Variants in GAN observed in about 807,000 individuals in gnomAD.
GAN encodes the protein gigaxonin.
Under a neutral mutation model 71.3 loss-of-function variants are expected in GAN, and 48 were observed. That is an observed-to-expected ratio of 0.67 (90% CI 0.53 to 0.86). The LOEUF is 0.86. Ranked by LOEUF, GAN falls within the 40% of genes least tolerant of loss-of-function variation. GAN has a pLI of 0.00. For synonymous variants in GAN, 386 were observed against 276.8 expected (o/e 1.39, Z -3.92); for missense variants, 928 against 770.1 (o/e 1.21, Z -2.43).
At chr16:81,361,077 G>C (rs560005410) in intron 5 of GAN, among the ~76,000 whole-genome samples, 11 of 152,214 alleles carry the variant, frequency 7.2e-5, no homozygotes, top group African/African-American at 2.6e-4. Context: ...ACAAAAAGTA[G>C]CTGGGTATGT....
In GAN at chr16:81,356,854, A is replaced by T. The variant is rs753290767; in HGVS notation, c.703A>T (p.Met235Leu). 6.2e-7 allele frequency: 1 copy of T among 1,613,836 alleles called. No individual in the cohort carries two copies. Among genetic ancestry groups the T allele is most frequent in the Non-Finnish European group, 8.5e-7 (1 of 1,179,704 alleles). The change falls in exon 4 of 11, where the codon ATG becomes TTG. Residue 235 changes from methionine (M) to leucine (L), a missense_variant. Met to Leu is a conservative substitution (Grantham distance 15, BLOSUM62 2). Coordinates refer to ENST00000648994, the MANE Select transcript of GAN (RefSeq NM_022041.4). Reference protein sequence around the residue: ...GLDSSYLREQMLNEPLVREIV... With the variant: ...GLDSSYLREQLLNEPLVREIV... ...GGACTCCAGTTATTTACGGGAACAG[A>T]TGCTGAATGAACCATTAGTACGAGA...
At chr16:81,357,346 A>T (rs541621169) in intron 4 of GAN, among the ~76,000 whole-genome samples, 11 of 152,256 alleles carry the variant, frequency 7.2e-5, no homozygotes, top group African/African-American at 2.6e-4. Context: ...TATGAGTGAG[A>T]ATATGCGGTG....
chr16:81,357,687 C>T (rs1034078851), intron 4 of GAN, 123 bp from the exon 5 acceptor site: 2 of 937,472 alleles, frequency 2.1e-6, no homozygotes, highest in African/African-American at 1.6e-5. Context: ...GTCACACTGA[C>T]TTCCACAAGG....
chr16:81,315,360 C>G (rs1908997333), intron 1 of GAN, 80 bp downstream of exon 1: 2 of 1,060,050 alleles, frequency 1.9e-6, no homozygotes, highest in Non-Finnish European at 2.5e-6. Flanking sequence ...GGCGTGGCCC[C>G]CAGACCCTGT....
In GAN at chr16:81,382,961, CT is replaced by C. The variant is rs1437708429; in HGVS notation, c.*5371del. The stretch of plus-strand genomic sequence containing the variant: ...TGTATACAGTTTAGGAAAGTTTATT[CT>C]TTTTTATTTTATTTTATTTTTTTAA... On this transcript the variant is annotated 3_prime_UTR_variant, in exon 11 of 11. Coordinates refer to ENST00000648994, the MANE Select transcript of GAN (RefSeq NM_022041.4). 1 of 151,946 alleles carries C rather than the reference CT, an allele frequency of 6.6e-6. No homozygotes were observed. The highest frequency in any genetic ancestry group is 2.4e-5 in the African/African-American group (1 of 41,394). 9.4% of individuals were successfully genotyped at this position (151,946 alleles called of 1,614,324 possible). A position where few individuals can be genotyped will look rare whatever the true frequency, so the allele number is the denominator to read the frequency against.
rs1904335999 is a variant in GAN at position 81,384,174 on chromosome 16, T to G, written c.*6578T>G. The G allele has an allele frequency of 6.6e-6, 1 of 152,094 alleles. No homozygotes were observed. Among genetic ancestry groups the G allele is most frequent in the Admixed American group, 6.5e-5 (1 of 15,272 alleles). The allele number at this position is 152,094 out of a possible 1,614,324, so 9.4% of individuals were successfully genotyped here. A position where few individuals can be genotyped will look rare whatever the true frequency, so the allele number is the denominator to read the frequency against. Reference sequence around the variant, plus strand: ...TCTCAGCTACCTCATTATGTAGTATTGTGCTTGATCCCCTGCCAATTGAGA... The same window carrying G: ...TCTCAGCTACCTCATTATGTAGTATGGTGCTTGATCCCCTGCCAATTGAGA... On this transcript the variant is annotated 3_prime_UTR_variant, in exon 11 of 11. Coordinates refer to ENST00000648994, the MANE Select transcript of GAN (RefSeq NM_022041.4).
chr16:81,353,196 C>T (rs928971432), intron 2 of GAN, among the ~76,000 whole-genome samples: 17 of 150,192 alleles, frequency 1.1e-4, no homozygotes, highest in African/African-American at 3.2e-4. Context: ...GAGGCTGAGG[C>T]AGGAGAATGG....
At chr16:81,361,640 T>G (rs1567494431) in intron 5 of GAN, among the ~76,000 whole-genome samples, 1 of 152,238 alleles carries the variant, frequency 6.6e-6, no homozygotes, top group Non-Finnish European at 1.5e-5. Flanking sequence ...AGGTCCTAAT[T>G]TTCCCTTCAG....
At chr16:81,338,685 A>G (rs963885996) in intron 1 of GAN, among the ~76,000 whole-genome samples, 12 of 152,242 alleles carry the variant, frequency 7.9e-5, no homozygotes, top group African/African-American at 2.9e-4. Context: ...ATAAGGGAGA[A>G]TAAGACAAGT....
At chr16:81,339,416 G>A (rs1909870421) in intron 1 of GAN, among the ~76,000 whole-genome samples, 1 of 152,164 alleles carries the variant, frequency 6.6e-6, no homozygotes, top group South Asian at 2.1e-4. Flanking sequence ...ATATGTGAGA[G>A]CACTTCACAT....
chr16:81,372,972 C>T (rs1911082912), intron 9 of GAN, among the ~76,000 whole-genome samples: 1 of 152,194 alleles, frequency 6.6e-6, no homozygotes, highest in Non-Finnish European at 1.5e-5. Context: ...CACCCATCAA[C>T]ATTCAGATGT....
intron 1 of GAN, among the ~76,000 whole-genome samples, chr16:81,337,027 G>A (rs77209236): frequency 0.021 from 3,205 of 152,026 alleles, 58 homozygotes; most frequent in East Asian, 0.081. Context: ...GTCATGACAT[G>A]GATCCACTAT....
chr16:81,319,426 T>G (rs765146699), intron 1 of GAN, among the ~76,000 whole-genome samples: 4 of 152,024 alleles, frequency 2.6e-5, no homozygotes, highest in Non-Finnish European at 4.4e-5. Context: ...ATTGATCTGA[T>G]GCAAAGTTCA....
intron 1 of GAN, among the ~76,000 whole-genome samples, chr16:81,323,002 C>A (rs989985065): frequency 6.6e-6 from 1 of 152,188 alleles, no homozygotes; most frequent in Non-Finnish European, 1.5e-5. Flanking sequence ...CCCTGATATT[C>A]GTGTTTGCCA....
rs1195327092 is a variant in GAN, at chr16:81,384,600, A to G, written c.*7004A>G. 3.9e-5 allele frequency: 6 copies of G among 152,064 alleles called. No homozygotes were observed. The highest frequency in any genetic ancestry group is 2.0e-4 in the Admixed American group (3 of 15,266). 9.4% of individuals were successfully genotyped at this position (152,064 alleles called of 1,614,324 possible). A position where few individuals can be genotyped will look rare whatever the true frequency, so the allele number is the denominator to read the frequency against. ...TTTTTTTCATTTCTTATAAGGTGCT[A>G]TTGTTTCCCAGAAATCTTTAATTTT... On this transcript the variant is annotated 3_prime_UTR_variant, in exon 11 of 11. Coordinates refer to ENST00000648994, the MANE Select transcript of GAN (RefSeq NM_022041.4).
At position 81,354,601 on chromosome 16, in the gene GAN, A is replaced by G. The variant is rs373474009; in HGVS notation, c.479A>G (p.His160Arg). ...HYLATEYLET[H>R]FRDVSSTEEF... is the part of the protein sequence containing the mutation. ...CTTGCCACAGAATACCTGGAGACTC[A>G]TTTCCGAGACGTCAGCAGCACGGAA... The change falls in exon 3 of 11, where the codon CAT becomes CGT. Residue 160 changes from histidine to arginine, a missense_variant. Physicochemically the swap from His to Arg is conservative, Grantham distance 29. Transcript: ENST00000648994. The G allele has an allele frequency of 3.4e-5, 55 of 1,613,982 alleles. No individual in the cohort carries two copies. Among genetic ancestry groups the G allele is most frequent in the Non-Finnish European group, 4.5e-5 (53 of 1,179,958 alleles).
chr16:81,379,042 T>C lies in GAN; in HGVS notation c.*1446T>C, dbSNP rs936678377. On this transcript the variant is annotated 3_prime_UTR_variant, in exon 11 of 11. Transcript: ENST00000648994. ...TTTTAATTGTTTTCTAAAAAAAAGG[T>C]TTTTTTTTTCCTTTTGGAATATGGC... The C allele has an allele frequency of 2.3e-5, 3 of 128,952 alleles. No individual in the cohort carries two copies. Among genetic ancestry groups the C allele is most frequent in the Non-Finnish European group, 4.8e-5 (3 of 63,128 alleles). 8.0% of individuals were successfully genotyped at this position (128,952 alleles called of 1,614,324 possible).
At chr16:81,324,988 A>C (rs938174967) in intron 1 of GAN, among the ~76,000 whole-genome samples, 2 of 152,186 alleles carry the variant, frequency 1.3e-5, no homozygotes. Flanking sequence ...GCACCAGGAC[A>C]TGTTGATGAG....
chr16:81,359,596 G>GT (rs1910605259), intron 5 of GAN, among the ~76,000 whole-genome samples: 1 of 152,092 alleles, frequency 6.6e-6, no homozygotes, highest in East Asian at 1.9e-4. Context: ...CTTCAGGAGA[G>GT]TTTTTCTTCA....
Sources: allele counts gnomAD v4.1 joint callset (sites outside exome capture counted in the v4.1 genomes callset), GRCh38; gene constraint gnomAD v4.1.1; transcripts MANE v1.5; gene names NCBI Gene and HGNC (gene_info 2026-07-23, HGNC 2026-07-21).